The following STK3 variants were observed in gnomAD, a reference collection of about 807,000 sequenced individuals.
STK3 encodes the protein serine/threonine-protein kinase 3.
Under a neutral mutation model 58.0 loss-of-function variants are expected in STK3, and 41 were observed. The ratio of observed to expected loss-of-function variants is 0.71; its 90% CI spans 0.55 to 0.92. STK3 has a LOEUF of 0.92. STK3 is among the 40% of genes least tolerant of loss of function. The pLI is 0.00. For synonymous variants in STK3, 170 were observed against 191.0 expected (o/e 0.89, Z 0.91); for missense variants, 479 against 602.7 (o/e 0.79, Z 2.15).
intron 1 of STK3, among the ~76,000 whole-genome samples, chr8:98,903,780 G>A (rs1364940406): frequency 6.6e-6 from 1 of 151,938 alleles, no homozygotes; most frequent in Non-Finnish European, 1.5e-5. Flanking sequence ...TCATACTTAA[G>A]CAAAGACCCC....
At chr8:98,699,181 C>T (rs1450104185) in intron 6 of STK3, among the ~76,000 whole-genome samples, 3 of 151,442 alleles carry the variant, frequency 2.0e-5, no homozygotes, top group African/African-American at 4.8e-5. Flanking sequence ...GCATTCTTCA[C>T]GTAGTTCTCG....
intron 1 of STK3, among the ~76,000 whole-genome samples, chr8:98,825,253 G>T (rs542864662): frequency 3.9e-5 from 6 of 152,108 alleles, no homozygotes; most frequent in African/African-American, 1.4e-4. Context: ...AGGTCAGGCC[G>T]CAGGGAGCCC....
chr8:98,454,808 TC>T lies in STK3; in HGVS notation c.*1033del, dbSNP rs1819372121. 1 of 152,528 alleles carries T rather than the reference TC, an allele frequency of 6.6e-6. No homozygotes were observed. Among genetic ancestry groups the T allele is most frequent in the African/African-American group, 2.4e-5 (1 of 41,424 alleles). The allele number at this position is 152,528 out of a possible 1,614,324, so 9.4% of individuals were successfully genotyped here. ...ATGAGTTTCTTTTTAATGGTTTTAA[TC>T]TTTTTTTTTTCAGTCCCCAAGGCTT... On this transcript the variant is annotated 3_prime_UTR_variant, in exon 11 of 11. Coordinates refer to ENST00000419617, the MANE Select transcript of STK3 (RefSeq NM_006281.4).
chr8:98,492,426 A>G (rs1822767606), intron 10 of STK3, among the ~76,000 whole-genome samples: 1 of 152,222 alleles, frequency 6.6e-6, no homozygotes, highest in Non-Finnish European at 1.5e-5. Flanking sequence ...GGAATAGGAA[A>G]GAGAACATGG....
At chr8:98,628,476 AG>A (rs1364547049) in intron 6 of STK3, among the ~76,000 whole-genome samples, 1 of 152,170 alleles carries the variant, frequency 6.6e-6, no homozygotes, top group East Asian at 1.9e-4. Context: ...AACACAAAGC[AG>A]GTGTTTCATA....
chr8:98,575,376 AC>A (rs1481093139), intron 8 of STK3, among the ~76,000 whole-genome samples: 6 of 151,134 alleles, frequency 4.0e-5, no homozygotes, highest in African/African-American at 1.5e-4. Flanking sequence ...AACTTCATAT[AC>A]AAAAAATTAA....
chr8:98,621,965 C>T (rs1274478404), intron 6 of STK3, among the ~76,000 whole-genome samples: 1 of 143,626 alleles, frequency 7.0e-6, no homozygotes, highest in South Asian at 2.2e-4. Flanking sequence ...ATTCTACATA[C>T]AAAAAAAAAA....
At chr8:98,941,135 G>A (rs1433156976) in intron 1 of STK3, among the ~76,000 whole-genome samples, 1 of 152,202 alleles carries the variant, frequency 6.6e-6, no homozygotes, top group Non-Finnish European at 1.5e-5. Context: ...GGGCGCTGCG[G>A]CCCTTCCCGC....
chr8:98,737,082 T>C (rs929966615), intron 4 of STK3, among the ~76,000 whole-genome samples: 7 of 152,320 alleles, frequency 4.6e-5, no homozygotes, highest in African/African-American at 1.4e-4. Flanking sequence ...CTATATTTTA[T>C]AGTTTTTATT....
At chr8:98,481,721 GAA>G (rs35610665) in intron 10 of STK3, among the ~76,000 whole-genome samples, 8 of 83,076 alleles carry the variant, frequency 9.6e-5, no homozygotes, top group East Asian at 4.6e-4. Context: ...TAAAGCTATT[GAA>G]AAAAAAAAAA....
rs1347307755 is a variant in STK3 at position 98,617,732 on chromosome 8, T to C, written c.685-21563A>G. 7.9e-5 allele frequency among the ~76,000 whole-genome samples: 12 copies of C among 151,528 alleles called. No individual in the cohort carries two copies. The South Asian group carries it at 8.4e-4, about 11-fold the overall frequency. On this transcript the variant is annotated intron_variant, in intron 6 of 10. Transcript: ENST00000419617. The stretch of plus-strand genomic sequence containing the variant: ...ATCTAGAAGAAATGGATACATTCCT[T>C]GACACATACACTCTCCCAAGACTAA...
intron 1 of STK3, among the ~76,000 whole-genome samples, chr8:98,928,901 G>A (rs1402194006): frequency 6.6e-6 from 1 of 152,190 alleles, no homozygotes; most frequent in Non-Finnish European, 1.5e-5. Flanking sequence ...ACTACTGGGA[G>A]AAGCTCCAAT....
chr8:98,817,904 A>G (rs1230963753), intron 1 of STK3, among the ~76,000 whole-genome samples: 1 of 151,226 alleles, frequency 6.6e-6, no homozygotes, highest in Non-Finnish European at 1.5e-5. Context: ...AAAAACCTTT[A>G]ATGACAGCAC....
intron 6 of STK3, among the ~76,000 whole-genome samples, chr8:98,696,345 T>A (rs1247213626): frequency 2.0e-5 from 3 of 151,762 alleles, no homozygotes; most frequent in East Asian, 1.9e-4. Context: ...GAATACCCTT[T>A]ATTTCCTTCT....
chr8:98,698,056 G>T (rs570229323), intron 6 of STK3, among the ~76,000 whole-genome samples: 1 of 152,298 alleles, frequency 6.6e-6, no homozygotes, highest in East Asian at 1.9e-4. Context: ...CCTGTATTGG[G>T]TGCATATATA....
intron 1 of STK3, among the ~76,000 whole-genome samples, chr8:98,900,897 A>G (rs1473597950): frequency 1.3e-5 from 2 of 152,144 alleles, no homozygotes; most frequent in African/African-American, 2.4e-5. Context: ...CCTGGCCTCA[A>G]GTGATCCGCC....
At chr8:98,547,568 C>T (rs1810806215) in intron 9 of STK3, among the ~76,000 whole-genome samples, 1 of 152,182 alleles carries the variant, frequency 6.6e-6, no homozygotes, top group Non-Finnish European at 1.5e-5. Context: ...CCATAGCTCG[C>T]ACTGCTCTTT....
At chr8:98,779,778 T>C (rs867422273) in intron 1 of STK3, among the ~76,000 whole-genome samples, 1 of 152,188 alleles carries the variant, frequency 6.6e-6, no homozygotes, top group Non-Finnish European at 1.5e-5. Context: ...TACAGAGATA[T>C]AGCATATCTT....
chr8:98,582,390 G>A (rs974868418), intron 7 of STK3, among the ~76,000 whole-genome samples: 1 of 151,592 alleles, frequency 6.6e-6, no homozygotes, highest in African/African-American at 2.4e-5. Context: ...TAAGTTATAT[G>A]TATTCAAATC....
Sources: gnomAD v4.1 joint callset for allele counts (sites outside exome capture counted in the v4.1 genomes callset) on GRCh38, gnomAD v4.1.1 for gene constraint, MANE v1.5 for transcripts, NCBI Gene and HGNC (gene_info 2026-07-23, HGNC 2026-07-21) for gene names.